Variants in PGAP1 observed in about 807,000 individuals in gnomAD.
The protein encoded by PGAP1 is GPI inositol-deacylase.
Under a neutral mutation model 127.0 loss-of-function variants are expected in PGAP1, and 76 were observed. That is an observed-to-expected ratio of 0.60 (90% confidence interval 0.50 to 0.72). PGAP1 has a LOEUF of 0.72. Among genes scored for constraint, PGAP1 ranks in the 30% least tolerant of loss-of-function variants. PGAP1 has a pLI of 0.00. For synonymous variants in PGAP1, 362 were observed against 366.5 expected (o/e 0.99, Z 0.14); for missense variants, 982 against 1,071.3 (o/e 0.92, Z 1.16).
In PGAP1 at chr2:196,841,088, C is replaced by A. The variant is rs1480566714; in HGVS notation, c.*146G>T. ...CTTCAACTACTTCCCTCAAACATTA[C>A]AAAACTAATTTCCTATTTTCAATAT... On this transcript the variant is annotated 3_prime_UTR_variant, in exon 27 of 27. Coordinates refer to ENST00000354764, the MANE Select transcript of PGAP1 (RefSeq NM_024989.4). 11 of 966,650 alleles carry A rather than the reference C, an allele frequency of 1.1e-5. No individual in the cohort carries two copies. In the African/African-American group the frequency reaches 1.6e-4, roughly 14 times the overall value. The allele number at this position is 966,650 out of a possible 1,614,324, so 59.9% of individuals were successfully genotyped here.
At chr2:196,886,686 T>C (rs1457390564) in intron 10 of PGAP1, among the ~76,000 whole-genome samples, 1 of 152,122 alleles carries the variant, frequency 6.6e-6, no homozygotes, top group Non-Finnish European at 1.5e-5. Flanking sequence ...AGTTTCCATT[T>C]GGTTACCAGC....
At chr2:196,879,053 C>T (rs1261828550) in intron 13 of PGAP1, among the ~76,000 whole-genome samples, 1 of 152,142 alleles carries the variant, frequency 6.6e-6, no homozygotes, top group East Asian at 1.9e-4. Flanking sequence ...CCCATTAAGG[C>T]CATTTTGTTT....
In PGAP1 at chr2:196,838,609, TA is replaced by T. The variant is rs1168259226; in HGVS notation, c.*2624del. 1 of 152,246 alleles carries T rather than the reference TA, an allele frequency of 6.6e-6. No individual in the cohort carries two copies. The highest frequency in any genetic ancestry group is 1.5e-5 in the Non-Finnish European group (1 of 68,046). 9.4% of individuals were successfully genotyped at this position (152,246 alleles called of 1,614,324 possible). On this transcript the variant is annotated 3_prime_UTR_variant, in exon 27 of 27. Transcript: ENST00000354764. ...TAAAGACCCAACCTACTATTGATTATAAAATGTTTAATTAGAATCATTTTTG... is the reference window on the plus strand; with the variant it reads ...TAAAGACCCAACCTACTATTGATTATAAATGTTTAATTAGAATCATTTTTG...
At chr2:196,887,370 C>T (rs866624621) in intron 10 of PGAP1, among the ~76,000 whole-genome samples, 20 of 151,958 alleles carry the variant, frequency 1.3e-4, no homozygotes, top group Middle Eastern at 3.4e-3. Context: ...GGCGACAGAG[C>T]GAGACTCCAT....
rs556492384 is a variant in PGAP1, at chr2:196,869,153, T to C, written c.1767+1788A>G. The stretch of plus-strand genomic sequence containing the variant: ...GGTCTGTCCTCTTTTGGTTTACAAT[T>C]ATGCTTGATTCTAGTGTATCAAGCT... On this transcript the variant is annotated intron_variant, in intron 19 of 26. Transcript: ENST00000354764. Among the ~76,000 whole-genome samples, 5 of 152,314 alleles carry C rather than the reference T, an allele frequency of 3.3e-5. No homozygotes were observed. The South Asian group carries it at 1.0e-3, about 32-fold the overall frequency.
In PGAP1 at chr2:196,837,510, AC is replaced by A. The variant is rs1340000972; in HGVS notation, c.*3723del. ...CACAGTGGCATGTACCTGTAGTCTC[AC>A]CTGCTGTGGGAGGCTGAGATGGGAG... On this transcript the variant is annotated 3_prime_UTR_variant, in exon 27 of 27. Coordinates refer to ENST00000354764, the MANE Select transcript of PGAP1 (RefSeq NM_024989.4). 1 of 152,126 alleles carries A rather than the reference AC, an allele frequency of 6.6e-6. No homozygotes were observed. The highest frequency in any genetic ancestry group is 1.5e-5 in the Non-Finnish European group (1 of 68,056). 9.4% of individuals were successfully genotyped at this position (152,126 alleles called of 1,614,324 possible).
At chr2:196,883,910 T>G (rs1701811389) in intron 12 of PGAP1, among the ~76,000 whole-genome samples, 1 of 152,180 alleles carries the variant, frequency 6.6e-6, no homozygotes, top group Admixed American at 6.6e-5. Flanking sequence ...CTATAATACT[T>G]GTTTTCTAAC....
chr2:196,901,418 G>A (rs1227903911), intron 5 of PGAP1, among the ~76,000 whole-genome samples: 2 of 152,108 alleles, frequency 1.3e-5, no homozygotes, highest in Admixed American at 6.5e-5. Context: ...GACAACAATA[G>A]GTGAGATGAA....
At position 196,837,801 on chromosome 2, in the gene PGAP1, T is replaced by C. The variant is rs1700277514; in HGVS notation, c.*3433A>G. 6.6e-6 allele frequency: 1 copy of C among 152,154 alleles called. No homozygotes were observed. Among genetic ancestry groups the C allele is most frequent in the South Asian group, 2.1e-4 (1 of 4,826 alleles). 9.4% of individuals were successfully genotyped at this position (152,154 alleles called of 1,614,324 possible). On this transcript the variant is annotated 3_prime_UTR_variant, in exon 27 of 27. Transcript: ENST00000354764. The stretch of plus-strand genomic sequence containing the variant: ...TTCCTTACTATATAATCATGTAGAT[T>C]AGTAGTATAGTTCACTCAAGAAGGG...
rs563420523 is a variant in PGAP1, at chr2:196,844,648, A to T, written c.2287-74T>A. ...ACATATAAGCCTTTTGGTATTAAAA[A>T]TGAGAAGCACTGTAATCTGAAATGT... On this transcript the variant is annotated intron_variant, in intron 23 of 26. Transcript: ENST00000354764. 1.7e-5 allele frequency: 17 copies of T among 1,008,646 alleles called. No homozygotes were observed. The Admixed American group carries it at 3.9e-4, about 23-fold the overall frequency. 62.5% of individuals were successfully genotyped at this position (1,008,646 alleles called of 1,614,324 possible).
At chr2:196,881,115 G>C (rs1701717372) in intron 12 of PGAP1, among the ~76,000 whole-genome samples, 1 of 152,156 alleles carries the variant, frequency 6.6e-6, no homozygotes, top group South Asian at 2.1e-4. Context: ...GTGAGAAGAT[G>C]CAGCATTTGG....
At chr2:196,898,240 G>A in intron 6 of PGAP1, 77 bp downstream of exon 6, 2 of 1,000,756 alleles carry the variant, frequency 2.0e-6, no homozygotes, top group Admixed American at 2.3e-5. Context: ...AAGTTAACAA[G>A]CCAATTAAAT....
At chr2:196,872,374 T>C (rs1303258492) in intron 18 of PGAP1, 67 bp downstream of exon 18, 11 of 1,108,020 alleles carry the variant, frequency 9.9e-6, no homozygotes, top group South Asian at 1.4e-5. Context: ...CTGAAGCTTA[T>C]ATAAAAAGAA....
In PGAP1 at chr2:196,841,003, C is replaced by T; in HGVS notation, c.*231G>A. On this transcript the variant is annotated 3_prime_UTR_variant, in exon 27 of 27. Coordinates refer to ENST00000354764, the MANE Select transcript of PGAP1 (RefSeq NM_024989.4). ...CAATGATAGTGATCACCATATATCCCTTCATGAATTTTTCAAAAATGATTA... is the reference window on the plus strand; with the variant it reads ...CAATGATAGTGATCACCATATATCCTTTCATGAATTTTTCAAAAATGATTA... The T allele has an allele frequency of 2.2e-6, 1 of 458,126 alleles. No homozygotes were observed. Among genetic ancestry groups the T allele is most frequent in the East Asian group, 3.5e-5 (1 of 28,360 alleles). The allele number at this position is 458,126 out of a possible 1,614,324, so 28.4% of individuals were successfully genotyped here.
intron 12 of PGAP1, among the ~76,000 whole-genome samples, chr2:196,883,172 C>A (rs1367428362): frequency 2.6e-5 from 4 of 151,990 alleles, no homozygotes; most frequent in Non-Finnish European, 5.9e-5. Flanking sequence ...AGTTTTTAAT[C>A]GAGTTTTGTT....
chr2:196,843,885 C>T lies in PGAP1; in HGVS notation c.2525+3G>A. The stretch of plus-strand genomic sequence containing the variant: ...AAACAATAATTATATCAATAAAACG[C>T]ACCTAAGATTCTTTAGCCAATAAAT... On this transcript the variant is annotated splice_donor_region_variant and intron_variant, in intron 25 of 26. Coordinates refer to ENST00000354764, the MANE Select transcript of PGAP1 (RefSeq NM_024989.4). 1.3e-6 allele frequency: 2 copies of T among 1,494,042 alleles called. No individual in the cohort carries two copies. The highest frequency in any genetic ancestry group is 1.8e-6 in the Non-Finnish European group (2 of 1,107,356). The allele number at this position is 1,494,042 out of a possible 1,614,324, so 92.5% of individuals were successfully genotyped here.
Position 196,872,971 on chromosome 2 carries a change from T to TCAC in PGAP1, c.1607_1608insGTG (p.Leu536_Thr537insTer). 9.6e-7 allele frequency: 1 copy of TCAC among 1,042,936 alleles called. No individual in the cohort carries two copies. The highest frequency in any genetic ancestry group is 1.4e-6 in the Non-Finnish European group (1 of 698,088). 64.6% of individuals were successfully genotyped at this position (1,042,936 alleles called of 1,614,324 possible). A position where few individuals can be genotyped will look rare whatever the true frequency, so the allele number is the denominator to read the frequency against. On this transcript the variant is annotated stop_gained and inframe_insertion, in exon 17 of 27. Transcript: ENST00000354764. LOFTEE classifies it high-confidence loss of function. Reference sequence around the variant, plus strand: ...TTTCAAATACTTACTGTGCAATGGTTAGTGAATCTTCATAAGACCAAGGAA... The same window carrying TCAC: ...TTTCAAATACTTACTGTGCAATGGTTCACAGTGAATCTTCATAAGACCAAGGAA...
chr2:196,893,082 A>C, intron 8 of PGAP1, 58 bp downstream of exon 8: 1 of 1,033,452 alleles, frequency 9.7e-7, no homozygotes, highest in South Asian at 1.5e-5. Flanking sequence ...AAACAAATTT[A>C]CCTAAGATTA....
rs1204240925 is a variant in PGAP1, at chr2:196,916,443, A to G, written c.452T>C (p.Ile151Thr). The change falls in exon 3 of 27, where the codon ATT becomes ACT. Residue 151 changes from isoleucine (I) to threonine (T), a missense_variant. Coordinates refer to ENST00000354764, the MANE Select transcript of PGAP1 (RefSeq NM_024989.4). ...QKQTKFVHEC[I>T]KTILKLYKGQ... is the part of the protein sequence containing the mutation. ...CTTATAGAGTTTGAGAATTGTTTTA[A>G]TACATTCATGTACAAACTTGGTCTG... The G allele has an allele frequency of 1.2e-6, 2 of 1,612,220 alleles. No individual in the cohort carries two copies. Among genetic ancestry groups the G allele is most frequent in the East Asian group, 4.5e-5 (2 of 44,814 alleles).
Sources: allele counts gnomAD v4.1 joint callset (sites outside exome capture counted in the v4.1 genomes callset), GRCh38; gene constraint gnomAD v4.1.1; transcripts MANE v1.5; gene names NCBI Gene and HGNC (gene_info 2026-07-23, HGNC 2026-07-21).